Variants in CTIF observed in about 807,000 individuals in gnomAD.
CTIF encodes the protein CBP80/20-dependent translation initiation factor.
Under a neutral mutation model 66.0 loss-of-function variants are expected in CTIF, and 21 were observed. That is an observed-to-expected ratio of 0.32 (90% CI 0.23 to 0.46). CTIF has a LOEUF of 0.46. CTIF is among the 20% of genes least tolerant of loss of function. The pLI is 1.00. For synonymous variants in CTIF, 345 were observed against 326.4 expected (o/e 1.06, Z -0.62); for missense variants, 739 against 812.7 (o/e 0.91, Z 1.10).
chr18:48,778,942 C>A (rs2146032827), intron 9 of CTIF, among the ~76,000 whole-genome samples: 2 of 152,294 alleles, frequency 1.3e-5, no homozygotes, highest in East Asian at 3.9e-4. Context: ...CTGTTTCAGC[C>A]CTGACTGAGA....
intron 9 of CTIF, among the ~76,000 whole-genome samples, chr18:48,803,882 A>C (rs1319213512): frequency 6.6e-6 from 1 of 152,192 alleles, no homozygotes; most frequent in Non-Finnish European, 1.5e-5. Flanking sequence ...GTGGCAGCAG[A>C]AAAATCAGTC....
At chr18:48,730,709 TTCCGCGGTGTGA>T (rs2092447353) in intron 7 of CTIF, among the ~76,000 whole-genome samples, 2 of 31,144 alleles carry the variant, frequency 6.4e-5, no homozygotes, top group African/African-American at 5.2e-4. Context: ...TGTGAGGGGC[TTCCGCGGTGTGA>T]GGGGCTTCCG....
chr18:48,554,766 A>G (rs1406882414), intron 1 of CTIF, among the ~76,000 whole-genome samples: 1 of 152,238 alleles, frequency 6.6e-6, no homozygotes, highest in African/African-American at 2.4e-5. Flanking sequence ...ACAGATCTGA[A>G]AGCCCAGAAG....
intron 1 of CTIF, among the ~76,000 whole-genome samples, chr18:48,614,512 G>C (rs1346102256): frequency 6.7e-6 from 1 of 150,240 alleles, no homozygotes; most frequent in Non-Finnish European, 1.5e-5. Context: ...GTGTACTATT[G>C]TGATACGATG....
intron 1 of CTIF, among the ~76,000 whole-genome samples, chr18:48,574,674 A>C (rs1255673991): frequency 1.3e-5 from 2 of 152,184 alleles, no homozygotes; most frequent in Non-Finnish European, 2.9e-5. Flanking sequence ...GAAAAGCAAA[A>C]GCTGCTAGAC....
intron 1 of CTIF, among the ~76,000 whole-genome samples, chr18:48,590,715 C>T (rs767288923): frequency 1.1e-4 from 17 of 152,336 alleles, no homozygotes; most frequent in Non-Finnish European, 1.9e-4. Flanking sequence ...CTCGGGAGCA[C>T]GCAAATTGGG....
intron 9 of CTIF, among the ~76,000 whole-genome samples, chr18:48,810,315 G>T (rs1461353590): frequency 6.6e-6 from 1 of 151,862 alleles, no homozygotes; most frequent in East Asian, 1.9e-4. Flanking sequence ...ATTATTTAGT[G>T]GCCAAAATAG....
At chr18:48,754,247 G>A (rs1181449731) in intron 7 of CTIF, among the ~76,000 whole-genome samples, 1 of 152,236 alleles carries the variant, frequency 6.6e-6, no homozygotes, top group Admixed American at 6.5e-5. Flanking sequence ...CAAGGAGGCT[G>A]TGTCTAAAGG....
Position 48,761,114 on chromosome 18 carries a change from C to CA in CTIF, c.1072-269dup, listed in dbSNP as rs771409440. On this transcript the variant is annotated intron_variant, in intron 8 of 11. Transcript: ENST00000256413. The surrounding 1 kb of genome is among the most constrained non-coding windows in gnomAD (Gnocchi z 4.2). Reference sequence around the variant, plus strand: ...TTAAGATATTTGATGGACAAATAAACAAAAAAAGCCAATGTATATGAGAAT... The same window carrying CA: ...TTAAGATATTTGATGGACAAATAAACAAAAAAAAGCCAATGTATATGAGAAT... 1.5e-5 allele frequency: 5 copies of CA among 338,470 alleles called. No individual in the cohort carries two copies. The highest frequency in any genetic ancestry group is 2.1e-5 in the Non-Finnish European group (4 of 188,730). 21.0% of individuals were successfully genotyped at this position (338,470 alleles called of 1,614,324 possible).
At position 48,631,338 on chromosome 18, in the gene CTIF, C is replaced by A. The variant is rs140049916; in HGVS notation, c.181-5276C>A. Among the ~76,000 whole-genome samples the A allele has an allele frequency of 2.8e-3, 421 of 152,300 alleles. 1 individual carries two copies. Among genetic ancestry groups the A allele is most frequent in the African/African-American group, 9.8e-3 (406 of 41,566 alleles). The stretch of plus-strand genomic sequence containing the variant: ...AAAATTAACCGGGTGTGGTGGAGAA[C>A]GCCTGTAGTCCCAGCTACTTGGGAG... On this transcript the variant is annotated intron_variant, in intron 2 of 11. Coordinates refer to ENST00000256413, the MANE Select transcript of CTIF (RefSeq NM_014772.3).
chr18:48,603,013 A>G (rs2090123162), intron 1 of CTIF, among the ~76,000 whole-genome samples: 1 of 150,210 alleles, frequency 6.7e-6, no homozygotes. Context: ...GAATGGGTAG[A>G]TGAATAGATG....
intron 6 of CTIF, among the ~76,000 whole-genome samples, chr18:48,690,808 T>C (rs1326957811): frequency 6.6e-6 from 1 of 151,852 alleles, no homozygotes; most frequent in Non-Finnish European, 1.5e-5. Context: ...CTATCTAGGA[T>C]GGAGATAATA....
Position 48,604,944 on chromosome 18 carries a change from G to A in CTIF, c.-28-14594G>A, listed in dbSNP as rs146743496. Among the ~76,000 whole-genome samples the A allele has an allele frequency of 3.1e-3, 473 of 152,302 alleles. 6 individuals carry two copies. The highest frequency in any genetic ancestry group is 0.011 in the African/African-American group (442 of 41,560). On this transcript the variant is annotated intron_variant, in intron 1 of 11. Coordinates refer to ENST00000256413, the MANE Select transcript of CTIF (RefSeq NM_014772.3). ...TTTCAAGGTTCATCCATGTGGTAGC[G>A]TGGATCAGTACTTTATTCCTTCTAA...
At chr18:48,564,431 C>T (rs905250756) in intron 1 of CTIF, among the ~76,000 whole-genome samples, 4 of 152,132 alleles carry the variant, frequency 2.6e-5, no homozygotes, top group African/African-American at 9.7e-5. Context: ...TGTGAAGGTC[C>T]CCAAAGCCTG....
chr18:48,543,873 T>C (rs1429066835), intron 1 of CTIF, among the ~76,000 whole-genome samples: 1 of 152,192 alleles, frequency 6.6e-6, no homozygotes, highest in African/African-American at 2.4e-5. Flanking sequence ...GGCTCTGAAA[T>C]TCATTTGACT....
chr18:48,587,955 C>T (rs892834799), intron 1 of CTIF, among the ~76,000 whole-genome samples: 17 of 152,212 alleles, frequency 1.1e-4, no homozygotes, highest in Non-Finnish European at 2.2e-4. Flanking sequence ...TCTGTGGAGT[C>T]ACTGAGAGAA....
At chr18:48,727,317 G>A (rs2092394969) in intron 7 of CTIF, among the ~76,000 whole-genome samples, 1 of 152,134 alleles carries the variant, frequency 6.6e-6, no homozygotes, top group Non-Finnish European at 1.5e-5. Flanking sequence ...CTGCATTCAG[G>A]GTCTTTCATG....
chr18:48,724,586 C>T (rs1020329860), intron 7 of CTIF, among the ~76,000 whole-genome samples: 3 of 152,214 alleles, frequency 2.0e-5, no homozygotes, highest in Admixed American at 6.5e-5. Flanking sequence ...TTCATGGCCT[C>T]ATTCATCCTC....
At chr18:48,732,838 G>A (rs914634640) in intron 7 of CTIF, among the ~76,000 whole-genome samples, 2 of 152,310 alleles carry the variant, frequency 1.3e-5, no homozygotes, top group African/African-American at 4.8e-5. Flanking sequence ...TTTGTGCAAG[G>A]CAGGAGGAGG....
Sources: gnomAD v4.1 joint callset for allele counts (sites outside exome capture counted in the v4.1 genomes callset) on GRCh38, gnomAD v4.1.1 for gene constraint, Gnocchi (gnomAD v3.1) non-coding constraint, MANE v1.5 for transcripts, NCBI Gene and HGNC (gene_info 2026-07-23, HGNC 2026-07-21) for gene names.